PIGA: variants seen among roughly 807,000 people sequenced by gnomAD.
PIGA encodes phosphatidylinositol N-acetylglucosaminyltransferase subunit A.
In PIGA, 3 loss-of-function variants were observed where a neutral mutation model predicts 17.1. The observed-to-expected ratio is 0.18, with a 90% confidence interval of 0.08 to 0.45. The LOEUF (loss-of-function observed/expected upper bound fraction) is 0.45, where lower values mean the gene tolerates loss of function less well. Ranked by LOEUF, PIGA falls within the 20% of genes least tolerant of loss-of-function variation. The pLI is 0.99. For synonymous variants in PIGA, 126 were observed against 135.1 expected (o/e 0.93, Z 0.47); for missense variants, 231 against 374.1 (o/e 0.62, Z 3.16).
rs1921932909 is a variant in PIGA, at chrX:15,325,148, G to A, written c.853C>T (p.Arg285Cys). The A allele has an allele frequency of 3.4e-6, 4 of 1,176,420 alleles. No homozygotes were observed. Among genetic ancestry groups the A allele is most frequent in the East Asian group, 3.0e-5 (1 of 32,912 alleles). ...TTGTGTTCTAAAGCTCCCAAAAGAC[G>A]CACCCTGATTTTTTAAATGAGAGGG... ...RERYQLHDRVRLLGALEHKDV... is the reference protein window; with the variant it reads ...RERYQLHDRVCLLGALEHKDV... Residue 285 changes from arginine to cysteine, a missense_variant, in exon 4 of 6, where the codon CGT becomes TGT. Physicochemically the swap from Arg to Cys is radical, Grantham distance 180 (BLOSUM62 -3). Around this residue, in one of 5 missense-constraint regions of PIGA, gnomAD observed 83 missense variants for 190.1 expected, o/e 0.44. Transcript: ENST00000333590.
chrX:15,326,810 T>C (rs1330650920), intron 2 of PIGA: 1 of 112,027 alleles, frequency 8.9e-6, no homozygotes, highest in Non-Finnish European at 1.9e-5. Context: ...TTTCTTATAA[T>C]ATATAAACAC....
intron 3 of PIGA, 75 bp from the exon 4 acceptor site, chrX:15,325,227 TCTG>T (rs2147717839): frequency 1.0e-6 from 1 of 960,471 alleles, no homozygotes; most frequent in African/African-American, 2.0e-5. Flanking sequence ...ATAAACCAAG[TCTG>T]CTATTTATAT....
intron 5 of PIGA, among the ~76,000 whole-genome samples, chrX:15,323,392 G>T (rs1282511351): frequency 9.0e-6 from 1 of 111,147 alleles, no homozygotes; most frequent in East Asian, 2.8e-4. Context: ...TGCTCCTAAA[G>T]GATAACACTG....
At chrX:15,329,446 T>C (rs1922083658) in intron 2 of PIGA, among the ~76,000 whole-genome samples, 1 of 111,296 alleles carries the variant, frequency 9.0e-6, no homozygotes, top group African/African-American at 3.3e-5. Context: ...CAAAAGAAAC[T>C]CAAAGTAGCA....
At chrX:15,333,361 CAT>C (rs1055572248) in intron 1 of PIGA, among the ~76,000 whole-genome samples, 2 of 112,671 alleles carry the variant, frequency 1.8e-5, no homozygotes, top group African/African-American at 6.4e-5. Flanking sequence ...ATGCTGCACA[CAT>C]GTTCTCCTTC....
rs1921761678 is a variant in PIGA, at chrX:15,320,304, A to C, written c.*1202T>G. The C allele has an allele frequency of 8.9e-6, 1 of 112,370 alleles. No homozygotes were observed. The highest frequency in any genetic ancestry group is 9.4e-5 in the Admixed American group (1 of 10,591). 9.3% of individuals were successfully genotyped at this position (112,370 alleles called of 1,213,427 possible). A position where few individuals can be genotyped will look rare whatever the true frequency, so the allele number is the denominator to read the frequency against. On this transcript the variant is annotated 3_prime_UTR_variant, in exon 6 of 6. Transcript: ENST00000333590. ...TTCTCACAAAAACCTTAAGAGTTCAAAGAATTCATAATACACACCATGTGG... is the reference window on the plus strand; with the variant it reads ...TTCTCACAAAAACCTTAAGAGTTCACAGAATTCATAATACACACCATGTGG...
At chrX:15,332,693 G>T (rs911731944) in intron 1 of PIGA, among the ~76,000 whole-genome samples, 1 of 112,258 alleles carries the variant, frequency 8.9e-6, no homozygotes, top group Non-Finnish European at 1.9e-5. Flanking sequence ...GCCTAAAAAA[G>T]GTGTGGTGAT....
At position 15,335,481 on chromosome X, in the gene PIGA, G is replaced by A; in HGVS notation, c.-63+20C>T. 2 of 985,565 alleles carry A rather than the reference G, an allele frequency of 2.0e-6. No individual in the cohort carries two copies. The highest frequency in any genetic ancestry group is 5.1e-5 in the Admixed American group (1 of 19,438). 81.2% of individuals were successfully genotyped at this position (985,565 alleles called of 1,213,427 possible). A position where few individuals can be genotyped will look rare whatever the true frequency, so the allele number is the denominator to read the frequency against. ...AAGCGGCCCAGAGCGCTGGAGAGGG[G>A]CGGCGCGACGCGCACTCACCGGTGA... On this transcript the variant is annotated intron_variant, in intron 1 of 5. Transcript: ENST00000333590.
rs369213793 is a variant in PIGA, at chrX:15,334,284, G to A, written c.-63+1217C>T. Among the ~76,000 whole-genome samples, 3 of 100,384 alleles carry A rather than the reference G, an allele frequency of 3.0e-5. No homozygotes were observed. In the East Asian group the frequency reaches 9.7e-4, roughly 32 times the overall value. The allele number at this position is 100,384 out of a possible 115,157, so 87.2% of individuals were successfully genotyped here. ...CGTCTCACTGCAGCCTCTGCCTCCC[G>A]AGTTCAAGCGATTCTCCCACTTCAG... On this transcript the variant is annotated intron_variant, in intron 1 of 5. Transcript: ENST00000333590.
intron 5 of PIGA, 129 bp downstream of exon 5, chrX:15,324,536 C>T: frequency 1.9e-6 from 1 of 528,221 alleles, no homozygotes; most frequent in African/African-American, 2.3e-5. Flanking sequence ...TTTCTTTTCA[C>T]CTGGAAGAGA....
chrX:15,327,771 G>A (rs1400654812), intron 2 of PIGA: 3 of 111,841 alleles, frequency 2.7e-5, no homozygotes, highest in Non-Finnish European at 5.6e-5. Flanking sequence ...ACAACATAGA[G>A]CAATAGTCAT....
chrX:15,324,132 C>T (rs1042480602), intron 5 of PIGA, among the ~76,000 whole-genome samples: 1 of 112,217 alleles, frequency 8.9e-6, no homozygotes, highest in African/African-American at 3.2e-5. Context: ...ACGTTTGTCA[C>T]GTACATTTTG....
intron 3 of PIGA, 40 bp from the exon 4 acceptor site, chrX:15,325,192 T>A: frequency 8.9e-7 from 1 of 1,124,306 alleles, no homozygotes; most frequent in Non-Finnish European, 1.2e-6. Context: ...GAGTGAAAAC[T>A]CATGCTACAA....
At chrX:15,332,234 G>C (rs758981206) in intron 1 of PIGA, among the ~76,000 whole-genome samples, 4 of 112,180 alleles carry the variant, frequency 3.6e-5, no homozygotes, top group African/African-American at 1.3e-4. Context: ...ACTTTAAATA[G>C]TAAGTTTGTT....
intron 5 of PIGA, among the ~76,000 whole-genome samples, chrX:15,322,900 C>T (rs1442561494): frequency 2.7e-5 from 3 of 111,894 alleles, no homozygotes; most frequent in African/African-American, 9.7e-5. Context: ...ATTAAAATGT[C>T]ATAGGGTTAA....
Position 15,331,341 on chromosome X carries a change from G to A in PIGA, c.590C>T (p.Ala197Val). 8.3e-7 allele frequency: 1 copy of A among 1,208,980 alleles called. No homozygotes were observed. The highest frequency in any genetic ancestry group is 1.7e-5 in the African/African-American group (1 of 57,752). The change falls in exon 2 of 6, where the codon GCA (alanine) becomes GTA (valine). Residue 197 changes from alanine to valine, a missense_variant. Ala to Val is a moderately conservative substitution (Grantham distance 64, BLOSUM62 0). Transcript: ENST00000333590. ...GACGGACACTATTTCAGGATTCAGT[G>A]CTGCTCTTAGTACAGTATTTTCCTT... ...TSKENTVLRA[A>V]LNPEIVSVIP...
chrX:15,324,021 T>C (rs1921895050), intron 5 of PIGA, among the ~76,000 whole-genome samples: 1 of 112,282 alleles, frequency 8.9e-6, no homozygotes, highest in South Asian at 3.6e-4. Flanking sequence ...TCAGGAAGCA[T>C]TTCCCACAAC....
At chrX:15,321,862 T>C (rs1921829843) in intron 5 of PIGA, 90 bp from the exon 6 acceptor site, 1 of 858,580 alleles carries the variant, frequency 1.2e-6, no homozygotes, top group Non-Finnish European at 1.7e-6. Context: ...TGCAGGAACA[T>C]TTTATAAACA....
At chrX:15,333,623 G>A (rs1922234534) in intron 1 of PIGA, among the ~76,000 whole-genome samples, 1 of 112,419 alleles carries the variant, frequency 8.9e-6, no homozygotes, top group South Asian at 3.6e-4. Context: ...CGAAGTTGCA[G>A]TGAGCCGAGA....
Sources: gnomAD v4.1 joint callset for allele counts (sites outside exome capture counted in the v4.1 genomes callset) on GRCh38, gnomAD v4.1.1 for gene constraint, gnomAD v4.1.1 regional missense constraint, MANE v1.5 for transcripts, NCBI Gene and HGNC (gene_info 2026-07-23, HGNC 2026-07-21) for gene names.